SMAD1: variants seen among roughly 807,000 people sequenced by gnomAD.
SMAD1 encodes SMAD family member 1.
SMAD1 carries 6 observed loss-of-function variants against 41.6 expected under a neutral mutation model. That is an observed-to-expected ratio of 0.14 (90% CI 0.08 to 0.28). SMAD1 has a LOEUF of 0.28. Ranked by LOEUF, SMAD1 falls within the 10% of genes least tolerant of loss-of-function variation. The pLI, the probability that SMAD1 is intolerant of heterozygous loss-of-function variation, is 1.00. For missense variants in SMAD1, 379 were observed against 582.6 expected, an observed-to-expected ratio of 0.65 and a Z score of 3.60; for synonymous variants, 206 against 203.2, an observed-to-expected ratio of 1.01 and a Z score of -0.12.
At chr4:145,494,646 A>C (rs941175042) in intron 1 of SMAD1, among the ~76,000 whole-genome samples, 1 of 152,228 alleles carries the variant, frequency 6.6e-6, no homozygotes, top group Non-Finnish European at 1.5e-5. Flanking sequence ...GAAGCTTTTA[A>C]AAATACTGTT....
At chr4:145,556,752 G>A (rs1303501112) in intron 6 of SMAD1, among the ~76,000 whole-genome samples, 1 of 152,148 alleles carries the variant, frequency 6.6e-6, no homozygotes, top group African/African-American at 2.4e-5. Context: ...GTGCAGTGGC[G>A]TGATCTTGAC....
At chr4:145,499,701 C>T (rs901232862) in intron 1 of SMAD1, among the ~76,000 whole-genome samples, 1 of 152,154 alleles carries the variant, frequency 6.6e-6, no homozygotes, top group East Asian at 1.9e-4. Flanking sequence ...GTCCCATCCC[C>T]AAGATATCTC....
At chr4:145,542,779 G>A (rs1388296940) in intron 4 of SMAD1, 81 bp downstream of exon 4, 4 of 916,842 alleles carry the variant, frequency 4.4e-6, no homozygotes, top group African/African-American at 1.7e-5. Flanking sequence ...ATTTTTATTA[G>A]TCTTTAAAAA....
At position 145,511,015 on chromosome 4, in the gene SMAD1, C is replaced by T. The variant is rs141130142; in HGVS notation, c.-176-3423C>T. Among the ~76,000 whole-genome samples, 1,016 of 152,200 alleles carry T rather than the reference C, an allele frequency of 6.7e-3. 11 individuals are homozygous for T. Among genetic ancestry groups the T allele is most frequent in the African/African-American group, 0.023 (962 of 41,514 alleles). ...AAGTCTGTTTTATCTGAATGGATAG[C>T]TATGCCAGCTTTTTGGGTGGAATAT... On this transcript the variant is annotated intron_variant, in intron 1 of 6. Coordinates refer to ENST00000302085, the MANE Select transcript of SMAD1 (RefSeq NM_005900.3).
At chr4:145,512,502 T>G (rs1204363628) in intron 1 of SMAD1, among the ~76,000 whole-genome samples, 1 of 152,236 alleles carries the variant, frequency 6.6e-6, no homozygotes, top group Non-Finnish European at 1.5e-5. Context: ...TATTCTACTG[T>G]ATTTAACCTG....
At position 145,510,250 on chromosome 4, in the gene SMAD1, A is replaced by G. The variant is rs536211230; in HGVS notation, c.-176-4188A>G. 5.9e-5 allele frequency among the ~76,000 whole-genome samples: 9 copies of G among 152,224 alleles called. No homozygotes were observed. The South Asian group carries it at 1.2e-3, about 21-fold the overall frequency. On this transcript the variant is annotated intron_variant, in intron 1 of 6. Transcript: ENST00000302085. ...TTTTCAAAGAATCAACTTTGATTTTATAGGTTTTCTTTAGTATGCTTTAAA... is the reference window on the plus strand; with the variant it reads ...TTTTCAAAGAATCAACTTTGATTTTGTAGGTTTTCTTTAGTATGCTTTAAA...
intron 3 of SMAD1, among the ~76,000 whole-genome samples, chr4:145,542,146 C>G (rs1350763244): frequency 6.6e-6 from 1 of 151,772 alleles, no homozygotes; most frequent in Non-Finnish European, 1.5e-5. Flanking sequence ...TTTCTAAAAG[C>G]CCATAGATTT....
chr4:145,535,074 T>C (rs1435091762), intron 2 of SMAD1, among the ~76,000 whole-genome samples: 1 of 152,010 alleles, frequency 6.6e-6, no homozygotes, highest in East Asian at 1.9e-4. Context: ...AAGAAAAAGA[T>C]AGAAAAGCGC....
chr4:145,501,654 T>A (rs1279280841), intron 1 of SMAD1, among the ~76,000 whole-genome samples: 1 of 149,194 alleles, frequency 6.7e-6, no homozygotes, highest in Non-Finnish European at 1.5e-5. Flanking sequence ...TTTTTTTTTT[T>A]AAAGGGATAG....
At chr4:145,492,021 T>C (rs1015888938) in intron 1 of SMAD1, among the ~76,000 whole-genome samples, 1 of 152,148 alleles carries the variant, frequency 6.6e-6, no homozygotes, top group Non-Finnish European at 1.5e-5. Flanking sequence ...TTAAAAAAAA[T>C]GTAAAAGTTA....
At chr4:145,484,012 G>A (rs1490445211) in intron 1 of SMAD1, among the ~76,000 whole-genome samples, 1 of 152,120 alleles carries the variant, frequency 6.6e-6, no homozygotes, top group Non-Finnish European at 1.5e-5. Context: ...AAGGCATTAA[G>A]AGGAAGTTGT....
chr4:145,557,033 C>A (rs989131076), intron 6 of SMAD1, among the ~76,000 whole-genome samples: 3 of 142,980 alleles, frequency 2.1e-5, no homozygotes, highest in African/African-American at 9.0e-5. Flanking sequence ...TAAATAGAAC[C>A]CAACCTTCTC....
intron 2 of SMAD1, among the ~76,000 whole-genome samples, chr4:145,520,228 G>A (rs1317261127): frequency 1.3e-5 from 2 of 152,168 alleles, no homozygotes; most frequent in East Asian, 3.8e-4. Context: ...ATGTCCAAAG[G>A]AGGTCAAATC....
intron 1 of SMAD1, among the ~76,000 whole-genome samples, chr4:145,499,896 T>C (rs1412584916): frequency 1.3e-5 from 2 of 152,028 alleles, no homozygotes; most frequent in Non-Finnish European, 2.9e-5. Flanking sequence ...ACCTCAGATA[T>C]TCAATCTCTG....
Position 145,514,901 on chromosome 4 carries a change from T to A in SMAD1, c.288T>A (p.Asp96Glu). 3.1e-6 allele frequency: 5 copies of A among 1,613,980 alleles called. No individual in the cohort carries two copies. Among genetic ancestry groups the A allele is most frequent in the Non-Finnish European group, 4.2e-6 (5 of 1,179,960 alleles). Residue 96 changes from aspartate to glutamate, a missense_variant, in exon 2 of 7, where the codon GAT (aspartate) becomes GAA (glutamate). Transcript: ENST00000302085. The surrounding 1 kb of genome is among the most constrained non-coding windows in gnomAD (Gnocchi z 4.7). ...VIYCRVWRWPDLQSHHELKPL... is the reference protein window; with the variant it reads ...VIYCRVWRWPELQSHHELKPL... ...ACTGCCGTGTGTGGCGCTGGCCCGA[T>A]CTTCAGAGCCACCATGAACTAAAAC...
Position 145,516,831 on chromosome 4 carries a change from A to G in SMAD1, c.400+1818A>G, listed in dbSNP as rs138558291. Among the ~76,000 whole-genome samples the G allele has an allele frequency of 2.4e-4, 36 of 152,338 alleles. No homozygotes were observed. In the East Asian group the frequency reaches 3.7e-3, roughly 15 times the overall value. On this transcript the variant is annotated intron_variant, in intron 2 of 6. Coordinates refer to ENST00000302085, the MANE Select transcript of SMAD1 (RefSeq NM_005900.3). Reference sequence around the variant, plus strand: ...GATCCTCGTAGTAACCTTAAAATGTATTAATACATAGGTAAGATTTTAATT... The same window carrying G: ...GATCCTCGTAGTAACCTTAAAATGTGTTAATACATAGGTAAGATTTTAATT...
At chr4:145,544,007 A>G (rs1732101110) in intron 4 of SMAD1, among the ~76,000 whole-genome samples, 1 of 152,190 alleles carries the variant, frequency 6.6e-6, no homozygotes, top group Admixed American at 6.5e-5. Context: ...TTTTGTCTCT[A>G]TGACACATTA....
chr4:145,520,173 A>C (rs746625022), intron 2 of SMAD1, among the ~76,000 whole-genome samples: 2 of 152,206 alleles, frequency 1.3e-5, no homozygotes, highest in Non-Finnish European at 2.9e-5. Flanking sequence ...TCAAAAAATT[A>C]AAAATAGAAC....
At chr4:145,498,665 A>G (rs1729236702) in intron 1 of SMAD1, among the ~76,000 whole-genome samples, 1 of 152,192 alleles carries the variant, frequency 6.6e-6, no homozygotes, top group African/African-American at 2.4e-5. Context: ...ATGTATATAC[A>G]TAGACAGTTT....
Sources: allele counts gnomAD v4.1 joint callset (sites outside exome capture counted in the v4.1 genomes callset), GRCh38; gene constraint gnomAD v4.1.1; non-coding constraint Gnocchi (gnomAD v3.1); transcripts MANE v1.5; gene names NCBI Gene and HGNC (gene_info 2026-07-23, HGNC 2026-07-21).